PELO: variants seen among roughly 807,000 people sequenced by gnomAD.
PELO encodes the protein pelota mRNA surveillance and ribosome rescue factor, also known as protein pelota homolog.
In PELO, 19 loss-of-function variants were observed where a neutral mutation model predicts 25.9. The observed-to-expected ratio is 0.73, with a 90% CI of 0.51 to 1.08. PELO has a LOEUF of 1.08. Ranked by LOEUF, PELO falls within the 50% of genes least tolerant of loss-of-function variation. The pLI is 0.00. For missense variants in PELO, 498 were observed against 491.4 expected, an observed-to-expected ratio of 1.01 and a Z score of -0.13; for synonymous variants, 196 against 192.2, an observed-to-expected ratio of 1.02 and a Z score of -0.16.
Position 52,800,776 on chromosome 5 carries a change from G to C in PELO, c.382G>C (p.Ala128Pro). Residue 128 changes from alanine (A) to proline (P), a missense_variant, in exon 2 of 3, where the codon GCC becomes CCC. Physicochemically the swap from Ala to Pro is conservative, Grantham distance 27 (BLOSUM62 -1). Transcript: ENST00000274311. Reference sequence around the variant, plus strand: ...TGTGGTACTGGAGCGCATCGAGCAGGCCTGTGACCCAGCCTGGAGCGCTGA... The same window carrying C: ...TGTGGTACTGGAGCGCATCGAGCAGCCCTGTGACCCAGCCTGGAGCGCTGA... Reference protein sequence around the residue: ...DSVVLERIEQACDPAWSADVA... With the variant: ...DSVVLERIEQPCDPAWSADVA... 6.2e-7 allele frequency: 1 copy of C among 1,614,130 alleles called. No individual in the cohort carries two copies. The highest frequency in any genetic ancestry group is 8.5e-7 in the Non-Finnish European group (1 of 1,179,992).
At chr5:52,788,947 T>C (rs534269361) in intron 1 of PELO, among the ~76,000 whole-genome samples, 1 of 152,320 alleles carries the variant, frequency 6.6e-6, no homozygotes, top group East Asian at 1.9e-4. Context: ...AAAATGATGT[T>C]TCTATGTCAG....
chr5:52,789,884 T>C (rs555828917), intron 1 of PELO, among the ~76,000 whole-genome samples: 1 of 152,320 alleles, frequency 6.6e-6, no homozygotes, highest in African/African-American at 2.4e-5. Flanking sequence ...AAACTTGAAG[T>C]AACAGAGAAG....
rs886694100 is a variant in PELO at position 52,800,091 on chromosome 5, C to G, written c.-304C>G. The G allele has an allele frequency of 1.9e-5, 7 of 363,346 alleles. No individual in the cohort carries two copies. The highest frequency in any genetic ancestry group is 1.1e-4 in the African/African-American group (5 of 44,602). The allele number at this position is 363,346 out of a possible 1,614,324, so 22.5% of individuals were successfully genotyped here. A position where few individuals can be genotyped will look rare whatever the true frequency, so the allele number is the denominator to read the frequency against. On this transcript the variant is annotated 5_prime_UTR_variant, in exon 2 of 3. Transcript: ENST00000274311. Reference sequence around the variant, plus strand: ...TCGCGGGACGGGGGCTGCGCATGCGCCTTCATTTCGTCAGCCCGCTGTTGC... The same window carrying G: ...TCGCGGGACGGGGGCTGCGCATGCGGCTTCATTTCGTCAGCCCGCTGTTGC...
chr5:52,788,267 A>G lies in PELO; in HGVS notation c.-658A>G. ...GGACTGGGAACCGCGGCAGCGGGAT[A>G]AGTGGCCCAGCCAGAGAGCGCAGCT... On this transcript the variant is annotated 5_prime_UTR_variant, in exon 1 of 3. The change creates a new upstream start codon in the 5' untranslated region. Transcript: ENST00000274311. 9.5e-7 allele frequency: 1 copy of G among 1,054,370 alleles called. No homozygotes were observed. Among genetic ancestry groups the G allele is most frequent in the Non-Finnish European group, 1.3e-6 (1 of 778,590 alleles). The allele number at this position is 1,054,370 out of a possible 1,614,324, so 65.3% of individuals were successfully genotyped here. A position where few individuals can be genotyped will look rare whatever the true frequency, so the allele number is the denominator to read the frequency against.
rs1580030413 is a variant in PELO, at chr5:52,801,932, G to A, written c.*92G>A. Reference sequence around the variant, plus strand: ...CTTGTGACAGAAAGCTGCAAGAATGGCACTTTTTGATTCATACAGGGATTT... The same window carrying A: ...CTTGTGACAGAAAGCTGCAAGAATGACACTTTTTGATTCATACAGGGATTT... On this transcript the variant is annotated 3_prime_UTR_variant, in exon 3 of 3. Transcript: ENST00000274311. 1.1e-6 allele frequency: 1 copy of A among 915,978 alleles called. No individual in the cohort carries two copies. Among genetic ancestry groups the A allele is most frequent in the East Asian group, 2.6e-5 (1 of 39,018 alleles). The allele number at this position is 915,978 out of a possible 1,614,324, so 56.7% of individuals were successfully genotyped here. A position where few individuals can be genotyped will look rare whatever the true frequency, so the allele number is the denominator to read the frequency against.
chr5:52,798,225 A>G (rs1748383188), intron 1 of PELO, among the ~76,000 whole-genome samples: 1 of 152,212 alleles, frequency 6.6e-6, no homozygotes, highest in South Asian at 2.1e-4. Context: ...AGGCAATGTG[A>G]ATTAGGAACT....
At position 52,800,878 on chromosome 5, in the gene PELO, A is replaced by G. The variant is rs753877060; in HGVS notation, c.484A>G (p.Lys162Glu). 1.4e-5 allele frequency: 22 copies of G among 1,612,338 alleles called. No homozygotes were observed. Residue 162 changes from lysine to glutamate, a missense_variant, in exon 2 of 3, where the codon AAG becomes GAG. Transcript: ENST00000274311. ...TCCCAGCATGACCCTCACTCGGGCCAAGGTGGAGGTGAACATCCCTAGGAA... is the reference window on the plus strand; with the variant it reads ...TCCCAGCATGACCCTCACTCGGGCCGAGGTGGAGGTGAACATCCCTAGGAA... ...VTPSMTLTRA[K>E]VEVNIPRKRK...
chr5:52,788,311 C>T lies in PELO; in HGVS notation c.-614C>T. 1 of 1,470,270 alleles carries T rather than the reference C, an allele frequency of 6.8e-7. No homozygotes were observed. The highest frequency in any genetic ancestry group is 9.0e-7 in the Non-Finnish European group (1 of 1,112,886). 91.1% of individuals were successfully genotyped at this position (1,470,270 alleles called of 1,614,324 possible). ...CGCAGCTCCCGCGCCCGGTCCTGCC[C>T]TGCGAACCAGCGCGGCCCCCTGGCG... is the stretch of plus-strand genomic sequence containing the variant. On this transcript the variant is annotated 5_prime_UTR_variant, in exon 1 of 3. Coordinates refer to ENST00000274311, the MANE Select transcript of PELO (RefSeq NM_015946.5).
At chr5:52,797,590 G>T (rs962602946) in intron 1 of PELO, among the ~76,000 whole-genome samples, 1 of 152,062 alleles carries the variant, frequency 6.6e-6, no homozygotes, top group Non-Finnish European at 1.5e-5. Flanking sequence ...TTGTTTAGCT[G>T]GTAAAGGTGA....
In PELO at chr5:52,800,357, G is replaced by T; in HGVS notation, c.-38G>T. 1.9e-6 allele frequency: 3 copies of T among 1,611,528 alleles called. No individual in the cohort carries two copies. The highest frequency in any genetic ancestry group is 1.1e-5 in the South Asian group (1 of 90,746). ...CCGGGGCGGAGGTGAGGACCTCCTT[G>T]GTTCCTTTGGTTCTGTCAGTGAGCC... On this transcript the variant is annotated 5_prime_UTR_variant, in exon 2 of 3. Coordinates refer to ENST00000274311, the MANE Select transcript of PELO (RefSeq NM_015946.5).
In PELO at chr5:52,801,733, G is replaced by T. The variant is rs142576766; in HGVS notation, c.1051G>T (p.Val351Phe). Reference sequence around the variant, plus strand: ...CGTTAGGATATTCTCTAGTCTTCACGTTTCTGGGGAACAGCTCAGCCAGTT... The same window carrying T: ...CGTTAGGATATTCTCTAGTCTTCACTTTTCTGGGGAACAGCTCAGCCAGTT... Reference protein sequence around the residue: ...GTVRIFSSLHVSGEQLSQLTG... With the variant: ...GTVRIFSSLHFSGEQLSQLTG... Residue 351 changes from valine to phenylalanine, a missense_variant, in exon 3 of 3, where the codon GTT becomes TTT. Transcript: ENST00000274311. The T allele has an allele frequency of 6.2e-7, 1 of 1,614,066 alleles. No individual in the cohort carries two copies. Among genetic ancestry groups the T allele is most frequent in the African/African-American group, 1.3e-5 (1 of 75,054 alleles).
At chr5:52,796,713 CAAAGGACCTTTA>C (rs1399901968) in intron 1 of PELO, among the ~76,000 whole-genome samples, 3 of 152,120 alleles carry the variant, frequency 2.0e-5, no homozygotes, top group African/African-American at 7.2e-5. Flanking sequence ...CTACTATGTG[CAAAGGACCTTTA>C]AAAGGACAAA....
intron 2 of PELO, 78 bp downstream of exon 2, chr5:52,801,198 G>C (rs1462703566): frequency 3.6e-6 from 5 of 1,383,456 alleles, no homozygotes; most frequent in Non-Finnish European, 3.9e-6. Context: ...TTTAGAACTG[G>C]GAAAAATAAG....
At chr5:52,790,749 G>C (rs1208748679) in intron 1 of PELO, among the ~76,000 whole-genome samples, 1 of 152,092 alleles carries the variant, frequency 6.6e-6, no homozygotes, top group Non-Finnish European at 1.5e-5. Flanking sequence ...CATCTTCCAA[G>C]TCCCTTTTAC....
In PELO at chr5:52,788,878, T is replaced by G. The variant is rs1748182732; in HGVS notation, c.-511+464T>G. 2.0e-5 allele frequency among the ~76,000 whole-genome samples: 3 copies of G among 151,208 alleles called. No individual in the cohort carries two copies. In the South Asian group the frequency reaches 6.3e-4, roughly 32 times the overall value. On this transcript the variant is annotated intron_variant, in intron 1 of 2. Coordinates refer to ENST00000274311, the MANE Select transcript of PELO (RefSeq NM_015946.5). ...TTTTCTTGCTGTCTACTATTTAGGC[T>G]TTTTTCCCATGCAGAACAAGAAAAG...
At position 52,788,134 on chromosome 5, in the gene PELO, G is replaced by C. The variant is rs554954756; in HGVS notation, c.-791G>C. The C allele has an allele frequency of 9.2e-6, 4 of 434,452 alleles. No individual in the cohort carries two copies. Among genetic ancestry groups the C allele is most frequent in the Non-Finnish European group, 1.6e-5 (4 of 244,264 alleles). 26.9% of individuals were successfully genotyped at this position (434,452 alleles called of 1,614,324 possible). A position where few individuals can be genotyped will look rare whatever the true frequency, so the allele number is the denominator to read the frequency against. ...AGAGCGCGAAGGGGCGGGCGATGTGGCAATCCGTCTGGGATGTGAAAAGCG... is the reference window on the plus strand; with the variant it reads ...AGAGCGCGAAGGGGCGGGCGATGTGCCAATCCGTCTGGGATGTGAAAAGCG... On this transcript the variant is annotated 5_prime_UTR_variant, in exon 1 of 3. Transcript: ENST00000274311.
Position 52,803,117 on chromosome 5 carries a change from C to T in PELO, c.*1277C>T, listed in dbSNP as rs1193462189. On this transcript the variant is annotated 3_prime_UTR_variant, in exon 3 of 3. Coordinates refer to ENST00000274311, the MANE Select transcript of PELO (RefSeq NM_015946.5). ...ATTTCAAGTAGTGATACTAACTAAACTTTCGCCGGTCTTTCCTGTGTCTGT... is the reference window on the plus strand; with the variant it reads ...ATTTCAAGTAGTGATACTAACTAAATTTTCGCCGGTCTTTCCTGTGTCTGT... 6.6e-6 allele frequency: 1 copy of T among 152,150 alleles called. No homozygotes were observed. The highest frequency in any genetic ancestry group is 1.5e-5 in the Non-Finnish European group (1 of 68,046). 9.4% of individuals were successfully genotyped at this position (152,150 alleles called of 1,614,324 possible).
chr5:52,789,083 T>G (rs1748187586), intron 1 of PELO, among the ~76,000 whole-genome samples: 1 of 152,226 alleles, frequency 6.6e-6, no homozygotes, highest in South Asian at 2.1e-4. Flanking sequence ...AAATGTGTAT[T>G]TTTAAGGAGG....
At position 52,800,534 on chromosome 5, in the gene PELO, TACAG is replaced by T. The variant is rs768283647; in HGVS notation, c.146_149del (p.Thr49SerfsTer102). On this transcript the variant is annotated frameshift_variant, in exon 2 of 3. Coordinates refer to ENST00000274311, the MANE Select transcript of PELO (RefSeq NM_015946.5). LOFTEE classifies it high-confidence loss of function. ...CTGCGCGCCTCCACCATCCGCAAGG[TACAG>T]ACAGAGTCCTCCACGGGCAGCGTGG... 2 of 1,614,028 alleles carry T rather than the reference TACAG, an allele frequency of 1.2e-6. No individual in the cohort carries two copies. The highest frequency in any genetic ancestry group is 8.5e-7 in the Non-Finnish European group (1 of 1,180,008).
Sources: allele counts gnomAD v4.1 joint callset (sites outside exome capture counted in the v4.1 genomes callset), GRCh38; gene constraint gnomAD v4.1.1; transcripts MANE v1.5; gene names NCBI Gene and HGNC (gene_info 2026-07-23, HGNC 2026-07-21).